SLCO2B1: variants seen among roughly 807,000 people sequenced by gnomAD.
SLCO2B1 encodes the protein solute carrier organic anion transporter family member 2B1.
Under a neutral mutation model 67.3 loss-of-function variants are expected in SLCO2B1, and 41 were observed. The ratio of observed to expected loss-of-function variants is 0.61; its 90% CI spans 0.47 to 0.79. The LOEUF is 0.79. SLCO2B1 is among the 30% of genes least tolerant of loss of function. The pLI is 0.00. For missense variants in SLCO2B1, 837 were observed against 920.1 expected (o/e 0.91, Z 1.17); for synonymous variants, 379 against 381.4 (o/e 0.99, Z 0.07).
intron 13 of SLCO2B1, chr11:75,203,656 A>G (rs1945221658): frequency 1.9e-6 from 1 of 533,882 alleles, no homozygotes; most frequent in Admixed American, 3.3e-5. Flanking sequence ...TCACACAGCT[A>G]ATAACTTGCA....
At position 75,203,303 on chromosome 11, in the gene SLCO2B1, T is replaced by G; in HGVS notation, c.1829-4T>G. On this transcript the variant is annotated splice_polypyrimidine_tract_variant and splice_region_variant and intron_variant, in intron 12 of 13. Coordinates refer to ENST00000289575, the MANE Select transcript of SLCO2B1 (RefSeq NM_007256.5). ...CATTGTCCCCTGAGCACCACCTCCC[T>G]CAGCCTGGATGCCCAGCCCCGTGAT... 6.2e-7 allele frequency: 1 copy of G among 1,613,066 alleles called. No individual in the cohort carries two copies. Among genetic ancestry groups the G allele is most frequent in the Non-Finnish European group, 8.5e-7 (1 of 1,179,930 alleles).
At chr11:75,169,844 T>C in intron 6 of SLCO2B1, 80 bp downstream of exon 6, 1 of 1,158,680 alleles carries the variant, frequency 8.6e-7, no homozygotes, top group South Asian at 1.3e-5. Flanking sequence ...CCAGGGGACC[T>C]CGGTTCAAAT....
At chr11:75,179,860 C>T (rs1410344273) in intron 7 of SLCO2B1, among the ~76,000 whole-genome samples, 1 of 151,478 alleles carries the variant, frequency 6.6e-6, no homozygotes, top group Non-Finnish European at 1.5e-5. Context: ...CGTCATCCTC[C>T]CAAGTGGCTG....
chr11:75,161,737 G>A (rs1284908830), intron 1 of SLCO2B1, among the ~76,000 whole-genome samples: 1 of 152,210 alleles, frequency 6.6e-6, no homozygotes, highest in Non-Finnish European at 1.5e-5. Context: ...GGAGGCCTGG[G>A]CTGCCAGGAG....
At chr11:75,163,885 C>T (rs1045817365) in intron 2 of SLCO2B1, 78 bp from the exon 3 acceptor site, 1 of 1,488,826 alleles carries the variant, frequency 6.7e-7, no homozygotes, top group South Asian at 1.3e-5. Flanking sequence ...CTACTCCTTG[C>T]TGCTCCCTCT....
At chr11:75,204,318 A>C in intron 13 of SLCO2B1, 82 bp from the exon 14 acceptor site, 1 of 1,399,608 alleles carries the variant, frequency 7.1e-7, no homozygotes, top group Non-Finnish European at 9.7e-7. Context: ...AGTATCTCTG[A>C]TTTCACAATG....
At chr11:75,186,533 A>C (rs1179452408) in intron 7 of SLCO2B1, among the ~76,000 whole-genome samples, 1 of 150,758 alleles carries the variant, frequency 6.6e-6, no homozygotes, top group Non-Finnish European at 1.5e-5. Context: ...TTTTATTTTT[A>C]GTAGAGACAA....
intron 7 of SLCO2B1, among the ~76,000 whole-genome samples, chr11:75,182,415 A>T (rs1312932763): frequency 6.6e-6 from 1 of 152,188 alleles, no homozygotes; most frequent in African/African-American, 2.4e-5. Context: ...CACCAGACAG[A>T]CCATTGTGGG....
intron 4 of SLCO2B1, among the ~76,000 whole-genome samples, chr11:75,167,665 C>T (rs771201475): frequency 3.3e-5 from 5 of 152,136 alleles, no homozygotes; most frequent in Non-Finnish European, 5.9e-5. Context: ...TTGCATCTAA[C>T]GTCTAGTAGG....
chr11:75,165,620 G>C (rs56235686), intron 3 of SLCO2B1, among the ~76,000 whole-genome samples, 167 bp from the exon 4 acceptor site: 1,776 of 152,318 alleles, frequency 0.012, 43 homozygotes, highest in African/African-American at 0.04. Context: ...TCCCCTAAGG[G>C]GGCCGTGCGG....
chr11:75,184,949 C>T (rs1478320174), intron 7 of SLCO2B1, among the ~76,000 whole-genome samples: 1 of 152,214 alleles, frequency 6.6e-6, no homozygotes, highest in Non-Finnish European at 1.5e-5. Context: ...CAATCCATTA[C>T]TGTTTTCTGC....
chr11:75,200,446 G>A, intron 11 of SLCO2B1, 59 bp downstream of exon 11: 1 of 1,487,514 alleles, frequency 6.7e-7, no homozygotes, highest in Non-Finnish European at 9.0e-7. Flanking sequence ...ACCACAGGCA[G>A]AACAAGGAAT....
intron 8 of SLCO2B1, among the ~76,000 whole-genome samples, chr11:75,190,354 A>G (rs1944999229): frequency 6.6e-6 from 1 of 152,204 alleles, no homozygotes; most frequent in Admixed American, 6.5e-5. Flanking sequence ...GTCTAACTCT[A>G]GGGCCTGGCC....
intron 3 of SLCO2B1, among the ~76,000 whole-genome samples, chr11:75,165,448 A>T (rs1168591941): frequency 6.8e-6 from 1 of 146,380 alleles, no homozygotes; most frequent in Non-Finnish European, 1.5e-5. Flanking sequence ...AAAAAAAAAA[A>T]TTCAAGCCTT....
At chr11:75,196,280 T>A in intron 9 of SLCO2B1, 1 of 532,090 alleles carries the variant, frequency 1.9e-6, no homozygotes, top group Non-Finnish European at 3.3e-6. Context: ...GGTGCAGAGA[T>A]GTTTGAAGAA....
rs1555138824 is a variant in SLCO2B1 at position 75,169,217 on chromosome 11, A to G, written c.493A>G (p.Thr165Ala). 4.3e-6 allele frequency: 7 copies of G among 1,613,898 alleles called. No individual in the cohort carries two copies. The Admixed American group carries it at 1.0e-4, about 23-fold the overall frequency. ...DFKASLCLPT[T>A]SAPASAPSNG... ...CAAGGCTTCCCTGTGCCTGCCCACAACCTCGGCCCCAGCCTCGGCCCCCTC... is the reference window on the plus strand; with the variant it reads ...CAAGGCTTCCCTGTGCCTGCCCACAGCCTCGGCCCCAGCCTCGGCCCCCTC... Residue 165 changes from threonine to alanine, a missense_variant, in exon 5 of 14, where the codon ACC becomes GCC. Thr to Ala is a moderately conservative substitution (Grantham distance 58). Coordinates refer to ENST00000289575, the MANE Select transcript of SLCO2B1 (RefSeq NM_007256.5).
intron 1 of SLCO2B1, among the ~76,000 whole-genome samples, chr11:75,160,686 T>G (rs1010304193): frequency 6.6e-6 from 1 of 152,248 alleles, no homozygotes; most frequent in African/African-American, 2.4e-5. Flanking sequence ...AACAGTTCCT[T>G]GCTTCCTCTG....
chr11:75,192,772 A>G lies in SLCO2B1; in HGVS notation c.1076-446A>G, dbSNP rs188941755. On this transcript the variant is annotated intron_variant, in intron 8 of 13. Transcript: ENST00000289575. ...AAATGAACTGGAACAAGGGCCAGGC[A>G]TAGTGGCTCACGTCTGTAATCCTAG... Among the ~76,000 whole-genome samples the G allele has an allele frequency of 3.1e-3, 476 of 152,362 alleles. 2 individuals are homozygous for G. Among genetic ancestry groups the G allele is most frequent in the Middle Eastern group, 6.8e-3 (2 of 294 alleles).
intron 1 of SLCO2B1, chr11:75,152,256 C>G (rs1297997423): frequency 1.3e-5 from 2 of 152,326 alleles, no homozygotes; most frequent in Non-Finnish European, 2.9e-5. Context: ...GTTAGACGCC[C>G]TATAGCAGTC....
Sources: gnomAD v4.1 joint callset for allele counts (sites outside exome capture counted in the v4.1 genomes callset) on GRCh38, gnomAD v4.1.1 for gene constraint, MANE v1.5 for transcripts, NCBI Gene and HGNC (gene_info 2026-07-23, HGNC 2026-07-21) for gene names.